The following RGS17 variants were observed in gnomAD, a reference collection of about 807,000 sequenced individuals.
RGS17 encodes regulator of G protein signaling 17.
A neutral mutation model predicts 25.5 loss-of-function variants in RGS17; 12 were observed. That is an observed-to-expected ratio of 0.47 (90% CI 0.30 to 0.76). The LOEUF (loss-of-function observed/expected upper bound fraction) is 0.76. RGS17 is among the 30% of genes least tolerant of loss of function. The pLI is 0.07. For synonymous variants in RGS17, 71 were observed against 76.9 expected (o/e 0.92, Z 0.40); for missense variants, 196 against 242.2 (o/e 0.81, Z 1.27).
At chr6:153,066,380 G>T (rs1463858470) in intron 1 of RGS17, among the ~76,000 whole-genome samples, 1 of 152,100 alleles carries the variant, frequency 6.6e-6, no homozygotes, top group Non-Finnish European at 1.5e-5. Context: ...GTAAAAAAAA[G>T]CCTGGGACCT....
chr6:153,076,046 G>A (rs1176953966), intron 1 of RGS17, among the ~76,000 whole-genome samples: 1 of 152,118 alleles, frequency 6.6e-6, no homozygotes, highest in Non-Finnish European at 1.5e-5. Flanking sequence ...TGTATTTAAT[G>A]CTCAAAATTT....
chr6:153,010,384 G>A lies in RGS17; in HGVS notation c.*1190C>T, dbSNP rs1779117299. On this transcript the variant is annotated 3_prime_UTR_variant, in exon 5 of 5. Coordinates refer to ENST00000206262, the MANE Select transcript of RGS17 (RefSeq NM_012419.5). ...ATGGCAGCTGGAAGATTTGAGCACTGTACTGCCTTTTAATGATGGATGAAA... is the reference window on the plus strand; with the variant it reads ...ATGGCAGCTGGAAGATTTGAGCACTATACTGCCTTTTAATGATGGATGAAA... 6.6e-6 allele frequency: 1 copy of A among 151,954 alleles called. No homozygotes were observed. The highest frequency in any genetic ancestry group is 2.4e-5 in the African/African-American group (1 of 41,432). 9.4% of individuals were successfully genotyped at this position (151,954 alleles called of 1,614,324 possible).
chr6:153,007,702 C>G lies in RGS17; in HGVS notation c.*3872G>C, dbSNP rs2129104404. Reference sequence around the variant, plus strand: ...TGCCTCCTGGGTTCAAGCGATTCTCCTGCCTCAGCCTCTCAAGTAGCCGGG... The same window carrying G: ...TGCCTCCTGGGTTCAAGCGATTCTCGTGCCTCAGCCTCTCAAGTAGCCGGG... On this transcript the variant is annotated 3_prime_UTR_variant, in exon 5 of 5. Coordinates refer to ENST00000206262, the MANE Select transcript of RGS17 (RefSeq NM_012419.5). The G allele has an allele frequency of 6.6e-6, 1 of 152,286 alleles. No individual in the cohort carries two copies. The highest frequency in any genetic ancestry group is 2.1e-4 in the South Asian group (1 of 4,826). The allele number at this position is 152,286 out of a possible 1,614,324, so 9.4% of individuals were successfully genotyped here. A position where few individuals can be genotyped will look rare whatever the true frequency, so the allele number is the denominator to read the frequency against.
intron 1 of RGS17, among the ~76,000 whole-genome samples, chr6:153,094,919 T>TACA: frequency 7.8e-6 from 1 of 127,808 alleles, no homozygotes; most frequent in Non-Finnish European, 1.7e-5. Flanking sequence ...TATAATTACA[T>TACA]TCACAATATA....
At chr6:153,053,964 T>C (rs866798755) in intron 1 of RGS17, among the ~76,000 whole-genome samples, 10 of 38,248 alleles carry the variant, frequency 2.6e-4, no homozygotes, top group Middle Eastern at 0.014. Flanking sequence ...ATATATATTA[T>C]ATACATATAT....
At chr6:153,072,169 C>G (rs1776813470) in intron 1 of RGS17, among the ~76,000 whole-genome samples, 1 of 152,134 alleles carries the variant, frequency 6.6e-6, no homozygotes, top group South Asian at 2.1e-4. Context: ...CATGAAGAAG[C>G]AGAAATATTA....
At chr6:153,061,044 T>C (rs1294943053) in intron 1 of RGS17, among the ~76,000 whole-genome samples, 7 of 152,198 alleles carry the variant, frequency 4.6e-5, no homozygotes, top group Non-Finnish European at 8.8e-5. Flanking sequence ...AGAGGCCAGA[T>C]ATGTACAGTT....
intron 2 of RGS17, among the ~76,000 whole-genome samples, chr6:153,040,235 C>T (rs1363707516): frequency 1.3e-5 from 2 of 152,110 alleles, no homozygotes; most frequent in African/African-American, 2.4e-5. Context: ...CAGCTTAAAT[C>T]ACTATGAAGC....
chr6:153,076,503 A>G (rs1776882592), intron 1 of RGS17, among the ~76,000 whole-genome samples: 1 of 152,154 alleles, frequency 6.6e-6, no homozygotes, highest in South Asian at 2.1e-4. Context: ...GAGTATCTGG[A>G]TCCCGGGTTC....
At chr6:153,043,436 T>C (rs1298091238) in intron 2 of RGS17, among the ~76,000 whole-genome samples, 2 of 151,490 alleles carry the variant, frequency 1.3e-5, no homozygotes, top group East Asian at 1.9e-4. Flanking sequence ...CTTACAGTTA[T>C]CTGGTCATAC....
chr6:153,081,135 C>T (rs1204124703), intron 1 of RGS17, among the ~76,000 whole-genome samples: 1 of 152,114 alleles, frequency 6.6e-6, no homozygotes, highest in Non-Finnish European at 1.5e-5. Context: ...GTGCTATTCA[C>T]TCTTCTTTAT....
chr6:153,027,008 A>G (rs577891006), intron 2 of RGS17, among the ~76,000 whole-genome samples: 1 of 152,330 alleles, frequency 6.6e-6, no homozygotes, highest in South Asian at 2.1e-4. Context: ...AGAATCTAAT[A>G]CAGATTTTGC....
chr6:153,074,384 A>C (rs1776847773), intron 1 of RGS17, among the ~76,000 whole-genome samples: 1 of 152,214 alleles, frequency 6.6e-6, no homozygotes, highest in Admixed American at 6.5e-5. Flanking sequence ...AACATGAGTA[A>C]TCTTTCTCTT....
intron 2 of RGS17, among the ~76,000 whole-genome samples, chr6:153,035,029 C>G (rs922891916): frequency 6.6e-6 from 1 of 151,974 alleles, no homozygotes; most frequent in East Asian, 1.9e-4. Flanking sequence ...TGGTGCATGC[C>G]TGCAGTCCCA....
At position 153,011,588 on chromosome 6, in the gene RGS17, A is replaced by G. The variant is rs1398758580; in HGVS notation, c.619T>C (p.Ser207Pro). 1 of 1,604,824 alleles carries G rather than the reference A, an allele frequency of 6.2e-7. No individual in the cohort carries two copies. Among genetic ancestry groups the G allele is most frequent in the Non-Finnish European group, 8.5e-7 (1 of 1,174,760 alleles). Residue 207 changes from serine to proline, a missense_variant, in exon 5 of 5, where the codon TCT becomes CCT. Transcript: ENST00000206262. ...KSFVESTAGS[S>P]SES is the part of the protein sequence containing the mutation. ...TTAAATGAACATTAAGATTCAGAAG[A>G]AGAGCCAGCAGTACTTTCAACAAAT...
chr6:153,068,661 C>T (rs1030156389), intron 1 of RGS17, among the ~76,000 whole-genome samples: 3 of 152,068 alleles, frequency 2.0e-5, no homozygotes, highest in Non-Finnish European at 4.4e-5. Flanking sequence ...CATAGTGAAA[C>T]GACAAGTCAC....
At chr6:153,117,614 TAC>T (rs1777563952) in intron 1 of RGS17, among the ~76,000 whole-genome samples, 1 of 152,230 alleles carries the variant, frequency 6.6e-6, no homozygotes, top group South Asian at 2.1e-4. Context: ...CAGAAAAGTA[TAC>T]AGAGAATATG....
intron 1 of RGS17, among the ~76,000 whole-genome samples, chr6:153,052,840 C>A (rs28495170): frequency 3.3e-5 from 5 of 152,012 alleles, no homozygotes; most frequent in East Asian, 1.9e-4. Flanking sequence ...GAGGTGGGGC[C>A]TATGGACGGG....
chr6:153,118,230 C>T (rs1562338984), intron 1 of RGS17, among the ~76,000 whole-genome samples: 2 of 152,202 alleles, frequency 1.3e-5, no homozygotes. Context: ...TATTCAGATG[C>T]CCATCTGGTC....
Sources: allele counts gnomAD v4.1 joint callset (sites outside exome capture counted in the v4.1 genomes callset), GRCh38; gene constraint gnomAD v4.1.1; transcripts MANE v1.5; gene names NCBI Gene and HGNC (gene_info 2026-07-23, HGNC 2026-07-21).